MAGI2: variants seen among roughly 807,000 people sequenced by gnomAD.
MAGI2 encodes membrane associated guanylate kinase, WW and PDZ domain containing 2.
Under a neutral mutation model 133.3 loss-of-function variants are expected in MAGI2, and 35 were observed. The observed-to-expected ratio is 0.26, with a 90% confidence interval of 0.20 to 0.35. The LOEUF (loss-of-function observed/expected upper bound fraction) is 0.35, where lower values mean the gene tolerates loss of function less well. Among genes scored for constraint, MAGI2 ranks in the 10% least tolerant of loss-of-function variants. The pLI, the probability that MAGI2 is intolerant of heterozygous loss-of-function variation, is 1.00. For missense variants in MAGI2, 1,636 were observed against 1,863.4 expected (o/e 0.88, Z 2.25); for synonymous variants, 729 against 710.6 (o/e 1.03, Z -0.41).
At chr7:79,157,836 T>G (rs1393312141) in intron 1 of MAGI2, among the ~76,000 whole-genome samples, 1 of 148,974 alleles carries the variant, frequency 6.7e-6, no homozygotes, top group African/African-American at 2.5e-5. Flanking sequence ...AAAACCACTG[T>G]GTGTATCTAA....
At chr7:78,869,678 C>G (rs1033186527) in intron 2 of MAGI2, among the ~76,000 whole-genome samples, 2 of 152,174 alleles carry the variant, frequency 1.3e-5, no homozygotes, top group Non-Finnish European at 2.9e-5. Context: ...GCAAGGAAAA[C>G]TGCTTTATGA....
intron 2 of MAGI2, among the ~76,000 whole-genome samples, chr7:78,649,051 A>G (rs1811211789): frequency 1.3e-5 from 2 of 151,912 alleles, no homozygotes; most frequent in Non-Finnish European, 2.9e-5. Flanking sequence ...GTGGTGATTA[A>G]TTTTCTTCAG....
At chr7:79,144,671 C>A (rs2129546459) in intron 1 of MAGI2, among the ~76,000 whole-genome samples, 1 of 152,248 alleles carries the variant, frequency 6.6e-6, no homozygotes, top group East Asian at 1.9e-4. Context: ...ACTGTGAGTG[C>A]TAACTACCTA....
chr7:78,349,860 T>C (rs1791314519), intron 7 of MAGI2, among the ~76,000 whole-genome samples: 1 of 152,192 alleles, frequency 6.6e-6, no homozygotes, highest in South Asian at 2.1e-4. Flanking sequence ...CAGCAAGGAT[T>C]TGGGGGTCTT....
chr7:78,268,693 T>A (rs1207280791), intron 9 of MAGI2, among the ~76,000 whole-genome samples: 1 of 152,192 alleles, frequency 6.6e-6, no homozygotes, highest in Non-Finnish European at 1.5e-5. Context: ...TATTTGGCAT[T>A]TCTTAAGACA....
At chr7:78,303,336 G>A (rs1048131843) in intron 9 of MAGI2, among the ~76,000 whole-genome samples, 10 of 125,926 alleles carry the variant, frequency 7.9e-5, no homozygotes, top group African/African-American at 1.2e-4. Context: ...CCAAGATTGC[G>A]CCATTGTATT....
chr7:78,243,954 T>C (rs1791463203), intron 10 of MAGI2, among the ~76,000 whole-genome samples: 1 of 151,704 alleles, frequency 6.6e-6, no homozygotes, highest in Non-Finnish European at 1.5e-5. Flanking sequence ...ATAAATTATT[T>C]ATAAATAAAT....
chr7:78,742,015 T>C (rs1276261418), intron 2 of MAGI2, among the ~76,000 whole-genome samples: 1 of 151,860 alleles, frequency 6.6e-6, no homozygotes, highest in Non-Finnish European at 1.5e-5. Flanking sequence ...TATCTAGTTA[T>C]TATCAAAGGA....
chr7:78,094,447 C>T (rs1361577728), intron 20 of MAGI2, among the ~76,000 whole-genome samples: 1 of 152,056 alleles, frequency 6.6e-6, no homozygotes, highest in Non-Finnish European at 1.5e-5. Context: ...CTGCATTGTC[C>T]CTGTACAATC....
chr7:78,871,172 G>A (rs185395733), intron 2 of MAGI2, among the ~76,000 whole-genome samples: 6 of 151,990 alleles, frequency 3.9e-5, no homozygotes, highest in East Asian at 1.9e-4. Context: ...CTAGCCGGGC[G>A]TGGTGGTGGG....
intron 3 of MAGI2, among the ~76,000 whole-genome samples, chr7:78,529,066 C>G (rs894930915): frequency 6.6e-6 from 1 of 151,796 alleles, no homozygotes; most frequent in Admixed American, 6.6e-5. Context: ...ATTAAATTAA[C>G]GCTGGTTTCA....
At chr7:78,645,236 G>A (rs914695950) in intron 2 of MAGI2, among the ~76,000 whole-genome samples, 4 of 151,818 alleles carry the variant, frequency 2.6e-5, no homozygotes, top group Admixed American at 6.6e-5. Context: ...ATTTAAGAAA[G>A]AAATAATGCT....
At chr7:79,103,848 C>T (rs537100478) in intron 1 of MAGI2, among the ~76,000 whole-genome samples, 26 of 145,566 alleles carry the variant, frequency 1.8e-4, no homozygotes, top group East Asian at 1.2e-3. Flanking sequence ...TACAGGCGCC[C>T]GCCACCACAC....
chr7:78,615,220 T>C (rs911291603), intron 3 of MAGI2: 6 of 152,102 alleles, frequency 3.9e-5, no homozygotes, highest in African/African-American at 1.4e-4. Context: ...CCCTATTAAA[T>C]TGAAGGGGAA....
chr7:79,272,986 G>A (rs1461523757), intron 1 of MAGI2, among the ~76,000 whole-genome samples: 1 of 152,008 alleles, frequency 6.6e-6, no homozygotes, highest in Non-Finnish European at 1.5e-5. Flanking sequence ...AGTAATTTTG[G>A]TCTCTCTATT....
At chr7:78,046,714 A>G (rs1811473479) in intron 21 of MAGI2, among the ~76,000 whole-genome samples, 1 of 152,212 alleles carries the variant, frequency 6.6e-6, no homozygotes, top group Non-Finnish European at 1.5e-5. Context: ...ACCCAGCGTT[A>G]GTTATGGACC....
intron 1 of MAGI2, among the ~76,000 whole-genome samples, chr7:79,119,140 G>C (rs908416276): frequency 2.6e-5 from 4 of 152,110 alleles, no homozygotes; most frequent in Non-Finnish European, 5.9e-5. Flanking sequence ...TACTCAGGGA[G>C]AAATCAGCGA....
Position 78,127,138 on chromosome 7 carries a change from T to A in MAGI2, c.3423+59A>T, listed in dbSNP as rs576429071. On this transcript the variant is annotated intron_variant, in intron 19 of 21. Transcript: ENST00000354212. The stretch of plus-strand genomic sequence containing the variant: ...CTTTCCTCTGCCTCTCCTATTTCAT[T>A]CCTTGCAGTTCTCTGGAAGCCTTGG... 4.9e-5 allele frequency: 64 copies of A among 1,307,396 alleles called. 2 individuals are homozygous for A. The South Asian group carries it at 8.7e-4, about 18-fold the overall frequency. 81.0% of individuals were successfully genotyped at this position (1,307,396 alleles called of 1,614,324 possible). A position where few individuals can be genotyped will look rare whatever the true frequency, so the allele number is the denominator to read the frequency against.
At chr7:78,628,597 A>T (rs1182286133) in intron 2 of MAGI2, among the ~76,000 whole-genome samples, 1 of 151,866 alleles carries the variant, frequency 6.6e-6, no homozygotes, top group East Asian at 1.9e-4. Context: ...TTAAGATTTG[A>T]AGTTATTATT....
Sources: gnomAD v4.1 joint callset for allele counts (sites outside exome capture counted in the v4.1 genomes callset) on GRCh38, gnomAD v4.1.1 for gene constraint, MANE v1.5 for transcripts, NCBI Gene and HGNC (gene_info 2026-07-23, HGNC 2026-07-21) for gene names.